The following VPS35 variants were observed in gnomAD, a reference collection of about 807,000 sequenced individuals.
VPS35 encodes VPS35 retromer complex component.
In VPS35, 21 loss-of-function variants were observed where a neutral mutation model predicts 98.1. That is an observed-to-expected ratio of 0.21 (90% CI 0.15 to 0.31). The LOEUF is 0.31. VPS35 is among the 10% of genes least tolerant of loss of function. The pLI, the probability that VPS35 is intolerant of heterozygous loss-of-function variation, is 1.00. For missense variants in VPS35, 554 were observed against 950.8 expected (o/e 0.58, Z 5.49); for synonymous variants, 268 against 318.2 (o/e 0.84, Z 1.68).
chr16:46,664,788 T>C (rs758677500), intron 13 of VPS35, among the ~76,000 whole-genome samples: 1 of 152,238 alleles, frequency 6.6e-6, no homozygotes, highest in Non-Finnish European at 1.5e-5. Flanking sequence ...CCCAAAGTGC[T>C]AGGATTACAG....
chr16:46,668,874 C>T, intron 13 of VPS35, 56 bp downstream of exon 13: 1 of 1,606,900 alleles, frequency 6.2e-7, no homozygotes, highest in Admixed American at 1.7e-5. Context: ...AACACACACA[C>T]ACTCAGAGTG....
rs369864421 is a variant in VPS35, at chr16:46,661,879, G to C, written c.2068-18C>G. On this transcript the variant is annotated intron_variant, in intron 15 of 16. Transcript: ENST00000299138. The surrounding 1 kb of genome is among the most constrained non-coding windows in gnomAD (Gnocchi z 4.3). Reference sequence around the variant, plus strand: ...CCGTGAAGCTAAAATAAAAGGGCAGGGGGACAGTGAAGAGATTAATGAAAC... The same window carrying C: ...CCGTGAAGCTAAAATAAAAGGGCAGCGGGACAGTGAAGAGATTAATGAAAC... 32 of 1,613,894 alleles carry C rather than the reference G, an allele frequency of 2.0e-5. No individual in the cohort carries two copies. In the African/African-American group the frequency reaches 4.0e-4, roughly 20 times the overall value.
Position 46,659,188 on chromosome 16 carries a change from A to G in VPS35, c.*1284T>C, listed in dbSNP as rs1399023577. 6.6e-6 allele frequency: 1 copy of G among 152,318 alleles called. No homozygotes were observed. The highest frequency in any genetic ancestry group is 1.5e-5 in the Non-Finnish European group (1 of 68,142). 9.4% of individuals were successfully genotyped at this position (152,318 alleles called of 1,614,324 possible). A position where few individuals can be genotyped will look rare whatever the true frequency, so the allele number is the denominator to read the frequency against. On this transcript the variant is annotated 3_prime_UTR_variant, in exon 17 of 17. Transcript: ENST00000299138. ...AGAGGAACTGGGGCCTCTGCCCTCA[A>G]GAAGAGGAACTGGGGCCTCTGCCTA...
Position 46,688,795 on chromosome 16 carries a change from A to G in VPS35, c.3+336T>C, listed in dbSNP as rs1966367853. 9 of 1,331,088 alleles carry G rather than the reference A, an allele frequency of 6.8e-6. No homozygotes were observed. In the South Asian group the frequency reaches 1.4e-4, roughly 21 times the overall value. 82.5% of individuals were successfully genotyped at this position (1,331,088 alleles called of 1,614,324 possible). A position where few individuals can be genotyped will look rare whatever the true frequency, so the allele number is the denominator to read the frequency against. Reference sequence around the variant, plus strand: ...GGGCCAGACGCTCAGACCTAGGACTACCGGTCCCCTCGTGGTAGGCAGGTG... The same window carrying G: ...GGGCCAGACGCTCAGACCTAGGACTGCCGGTCCCCTCGTGGTAGGCAGGTG... On this transcript the variant is annotated intron_variant, in intron 1 of 16. Transcript: ENST00000299138.
chr16:46,688,783 A>G lies in VPS35; in HGVS notation c.3+348T>C, dbSNP rs1422789475. 3 of 1,271,968 alleles carry G rather than the reference A, an allele frequency of 2.4e-6. No individual in the cohort carries two copies. The East Asian group carries it at 1.0e-4, about 43-fold the overall frequency. The allele number at this position is 1,271,968 out of a possible 1,614,324, so 78.8% of individuals were successfully genotyped here. Reference sequence around the variant, plus strand: ...CACGCGCCCCGGGGGCCAGACGCTCAGACCTAGGACTACCGGTCCCCTCGT... The same window carrying G: ...CACGCGCCCCGGGGGCCAGACGCTCGGACCTAGGACTACCGGTCCCCTCGT... On this transcript the variant is annotated intron_variant, in intron 1 of 16. Transcript: ENST00000299138.
In VPS35 at chr16:46,661,845, C is replaced by T. The variant is rs1965918858; in HGVS notation, c.2084G>A (p.Arg695Lys). ...AGCTTTTTTTAGGCACTCCATTACC[C>T]TCTTGCCTCCGTGAAGCTAAAATAA... ...KNGEELHGGK[R>K]VMECLKKALK... The change falls in exon 16 of 17, where the codon AGG becomes AAG. Residue 695 changes from arginine to lysine, a missense_variant. Physicochemically the swap from Arg to Lys is conservative, Grantham distance 26. Coordinates refer to ENST00000299138, the MANE Select transcript of VPS35 (RefSeq NM_018206.6). This position sits in a 1 kb window ranked among gnomAD's most constrained non-coding sequence, Gnocchi z 4.3. 3 of 1,614,114 alleles carry T rather than the reference C, an allele frequency of 1.9e-6. No individual in the cohort carries two copies. Among genetic ancestry groups the T allele is most frequent in the East Asian group, 2.2e-5 (1 of 44,868 alleles).
chr16:46,677,527 CTAAACTT>C, intron 6 of VPS35, 129 bp from the exon 7 acceptor site: 1 of 805,028 alleles, frequency 1.2e-6, no homozygotes, highest in Non-Finnish European at 2.1e-6. Context: ...GACTTCACTT[CTAAACTT>C]TAAAAGCTTT....
chr16:46,677,042 A>G (rs186249883), intron 7 of VPS35, among the ~76,000 whole-genome samples: 111 of 152,166 alleles, frequency 7.3e-4, no homozygotes, highest in Non-Finnish European at 2.1e-4. Context: ...ACATGAAAAA[A>G]AAAAGAAACA....
At position 46,662,372 on chromosome 16, in the gene VPS35, G is replaced by A. The variant is rs168745; in HGVS notation, c.1938C>T (p.His646=). 1,607,252 of 1,614,194 alleles carry A rather than the reference G, an allele frequency of 1. 800,376 individuals are homozygous for A. Among genetic ancestry groups the A allele is most frequent in the East Asian group, 1 (44,884 of 44,884 alleles). ...GGGCACACTGAGTCCTCAGAGGTTC[G>A]TGATTCTCTTCACTGAAGCACTTCA... ...ERMKCFSEEN[H]EPLRTQCALA... is the part of the protein sequence containing the mutation. The change falls in exon 15 of 17, where the codon CAC becomes CAT. Residue 646 remains histidine, a synonymous_variant. Transcript: ENST00000299138.
chr16:46,682,814 C>A (rs1966253569), intron 2 of VPS35: 1 of 154,296 alleles, frequency 6.5e-6, no homozygotes. Flanking sequence ...TATTACTATG[C>A]TTTAGAAAGC....
In VPS35 at chr16:46,672,309, T is replaced by C. The variant is rs1232877761; in HGVS notation, c.1324A>G (p.Ser442Gly). ...SRKSMSCYVLSNVLDYNTEIV... is the reference protein window; with the variant it reads ...SRKSMSCYVLGNVLDYNTEIV... ...TCTGTGTTATAATCCAGAACATTAC[T>C]AAGCACATAACAACTCATGCTCTTT... Residue 442 changes from serine to glycine, a missense_variant, in exon 11 of 17, where the codon AGT becomes GGT. This residue lies in a region of VPS35 where 254 missense variants were observed against 390.1 expected (regional missense o/e 0.65). Transcript: ENST00000299138. 2.5e-6 allele frequency: 4 copies of C among 1,613,852 alleles called. No homozygotes were observed. The highest frequency in any genetic ancestry group is 3.4e-6 in the Non-Finnish European group (4 of 1,179,866).
intron 7 of VPS35, among the ~76,000 whole-genome samples, chr16:46,677,036 G>C (rs1371351511): frequency 6.8e-6 from 1 of 146,148 alleles, no homozygotes; most frequent in Non-Finnish European, 1.5e-5. Context: ...AAGATTACAT[G>C]AAAAAAAAAA....
intron 13 of VPS35, among the ~76,000 whole-genome samples, chr16:46,666,411 G>T (rs971321996): frequency 6.6e-6 from 1 of 152,052 alleles, no homozygotes; most frequent in Non-Finnish European, 1.5e-5. Context: ...TGGGACTACA[G>T]GCATGCGCCA....
At chr16:46,680,558 G>C in intron 5 of VPS35, 113 bp downstream of exon 5, 1 of 1,147,278 alleles carries the variant, frequency 8.7e-7, no homozygotes, top group Non-Finnish European at 1.3e-6. Flanking sequence ...TACCTAAATG[G>C]CTGACTGGGT....
rs1407942282 is a variant in VPS35, at chr16:46,660,185, T to G, written c.*287A>C. 3.0e-5 allele frequency: 3 copies of G among 100,842 alleles called. No individual in the cohort carries two copies. The highest frequency in any genetic ancestry group is 2.0e-4 in the East Asian group (1 of 4,974). The allele number at this position is 100,842 out of a possible 1,614,324, so 6.2% of individuals were successfully genotyped here. On this transcript the variant is annotated 3_prime_UTR_variant, in exon 17 of 17. Transcript: ENST00000299138. Reference sequence around the variant, plus strand: ...AGTAGCCAAGATAAGTGCTTGTGGGTTTTGTGTTTTTTTTTTTTTTTTTTT... The same window carrying G: ...AGTAGCCAAGATAAGTGCTTGTGGGGTTTGTGTTTTTTTTTTTTTTTTTTT...
chr16:46,684,324 T>G (rs1288539053), intron 1 of VPS35, among the ~76,000 whole-genome samples: 1 of 152,258 alleles, frequency 6.6e-6, no homozygotes, highest in East Asian at 1.9e-4. Flanking sequence ...TTCAGTCTAT[T>G]CTTAAGACAG....
intron 13 of VPS35, among the ~76,000 whole-genome samples, chr16:46,666,880 A>G (rs1180749765): frequency 2.0e-5 from 3 of 152,204 alleles, no homozygotes; most frequent in Non-Finnish European, 2.9e-5. Flanking sequence ...GATGGACACT[A>G]AGGTTGTTTC....
chr16:46,661,951 T>A lies in VPS35; in HGVS notation c.2068-90A>T. On this transcript the variant is annotated intron_variant, in intron 15 of 16. Coordinates refer to ENST00000299138, the MANE Select transcript of VPS35 (RefSeq NM_018206.6). This position sits in a 1 kb window ranked among gnomAD's most constrained non-coding sequence, Gnocchi z 4.3. ...ACACAACACTACCGTGGCTCTTTCGTGTTTTAAAGGGACATAACAAATTTA... is the reference window on the plus strand; with the variant it reads ...ACACAACACTACCGTGGCTCTTTCGAGTTTTAAAGGGACATAACAAATTTA... The A allele has an allele frequency of 6.4e-7, 1 of 1,552,666 alleles. No individual in the cohort carries two copies. Among genetic ancestry groups the A allele is most frequent in the Non-Finnish European group, 8.8e-7 (1 of 1,130,012 alleles).
intron 1 of VPS35, chr16:46,688,903 C>G: frequency 6.9e-7 from 1 of 1,453,546 alleles, no homozygotes. Flanking sequence ...GAGGCCGCCC[C>G]GTCTCTCAGC....
Sources: allele counts gnomAD v4.1 joint callset (sites outside exome capture counted in the v4.1 genomes callset), GRCh38; gene constraint gnomAD v4.1.1; regional missense constraint gnomAD v4.1.1; non-coding constraint Gnocchi (gnomAD v3.1); transcripts MANE v1.5; gene names NCBI Gene and HGNC (gene_info 2026-07-23, HGNC 2026-07-21).